The following PDE4B variants were observed in gnomAD, a reference collection of about 807,000 sequenced individuals.
PDE4B encodes phosphodiesterase 4B.
Under a neutral mutation model 82.2 loss-of-function variants are expected in PDE4B, and 20 were observed. The ratio of observed to expected loss-of-function variants is 0.24; its 90% CI spans 0.17 to 0.35. The LOEUF is 0.35. Among genes scored for constraint, PDE4B ranks in the 10% least tolerant of loss-of-function variants. PDE4B has a pLI of 1.00. For missense variants in PDE4B, 655 were observed against 907.2 expected, an observed-to-expected ratio of 0.72 and a Z score of 3.57; for synonymous variants, 320 against 318.9, an observed-to-expected ratio of 1.00 and a Z score of -0.04.
At chr1:66,177,058 A>G (rs1646944233) in intron 3 of PDE4B, among the ~76,000 whole-genome samples, 1 of 152,230 alleles carries the variant, frequency 6.6e-6, no homozygotes, top group Non-Finnish European at 1.5e-5. Flanking sequence ...GGTCCCGAGG[A>G]GAGCTAGCAC....
intron 3 of PDE4B, among the ~76,000 whole-genome samples, chr1:66,026,471 T>C (rs1653439201): frequency 6.6e-6 from 1 of 152,236 alleles, no homozygotes; most frequent in African/African-American, 2.4e-5. Flanking sequence ...TTTGGGTATA[T>C]GTCCCTGTTC....
At position 66,127,287 on chromosome 1, in the gene PDE4B, ACT is replaced by A. The variant is rs143948885; in HGVS notation, c.282-120168_282-120167del. On this transcript the variant is annotated intron_variant, in intron 3 of 16. Coordinates refer to ENST00000341517, the MANE Select transcript of PDE4B (RefSeq NM_002600.4). ...GCTGAAGGATGAATGGTACACAGCA[ACT>A]CTCTACTCTTTCTGTAGCTTTTTTG... Among the ~76,000 whole-genome samples the A allele has an allele frequency of 7.2e-3, 1,089 of 152,134 alleles. 12 individuals carry two copies. The highest frequency in any genetic ancestry group is 0.024 in the African/African-American group (1,005 of 41,512).
rs565206258 is a variant in PDE4B at position 66,273,035 on chromosome 1, C to T, written c.634+6948C>T. On this transcript the variant is annotated intron_variant, in intron 7 of 16. Transcript: ENST00000341517. Reference sequence around the variant, plus strand: ...TCAATCTCTTGACCTTGTGATCCGCCCACCTCAGCCTCCCAAAGTAGAACT... The same window carrying T: ...TCAATCTCTTGACCTTGTGATCCGCTCACCTCAGCCTCCCAAAGTAGAACT... Among the ~76,000 whole-genome samples the T allele has an allele frequency of 3.9e-5, 6 of 152,096 alleles. No homozygotes were observed. The South Asian group carries it at 8.3e-4, about 21-fold the overall frequency.
At chr1:65,892,397 G>C (rs1362234495) in intron 1 of PDE4B, among the ~76,000 whole-genome samples, 2 of 152,018 alleles carry the variant, frequency 1.3e-5, no homozygotes, top group African/African-American at 4.8e-5. Context: ...TGTTTAAATA[G>C]ATCAGGATCT....
intron 3 of PDE4B, among the ~76,000 whole-genome samples, chr1:65,954,487 G>T (rs1016087711): frequency 2.0e-5 from 3 of 152,060 alleles, no homozygotes; most frequent in Non-Finnish European, 4.4e-5. Context: ...TAAGGGGATT[G>T]TCTATGATGC....
chr1:65,876,089 T>A (rs116559509), intron 1 of PDE4B, among the ~76,000 whole-genome samples: 2,276 of 152,280 alleles, frequency 0.015, 74 homozygotes, highest in African/African-American at 0.053. Context: ...GGCGGAAGTT[T>A]TTTTAGAATT....
intron 3 of PDE4B, among the ~76,000 whole-genome samples, chr1:66,012,048 A>G (rs953168230): frequency 6.6e-6 from 1 of 152,174 alleles, no homozygotes; most frequent in Non-Finnish European, 1.5e-5. Flanking sequence ...AATGAAAAAT[A>G]TCAAGAATTA....
chr1:66,207,922 C>A (rs963106434), intron 3 of PDE4B, among the ~76,000 whole-genome samples: 4 of 152,174 alleles, frequency 2.6e-5, no homozygotes, highest in African/African-American at 9.7e-5. Flanking sequence ...TGTTTATCCT[C>A]CTTATATTTT....
chr1:66,170,565 A>T (rs1646818579), intron 3 of PDE4B, among the ~76,000 whole-genome samples: 1 of 152,212 alleles, frequency 6.6e-6, no homozygotes, highest in Non-Finnish European at 1.5e-5. Flanking sequence ...GAAATAGAAG[A>T]TAATGAGCAG....
chr1:65,936,266 T>TA (rs1270096441), intron 3 of PDE4B, among the ~76,000 whole-genome samples: 2 of 152,146 alleles, frequency 1.3e-5, no homozygotes, highest in Non-Finnish European at 2.9e-5. Flanking sequence ...GAGGCTGTCT[T>TA]ACAGTTAACT....
At chr1:66,048,109 AG>A (rs1654813365) in intron 3 of PDE4B, among the ~76,000 whole-genome samples, 1 of 151,910 alleles carries the variant, frequency 6.6e-6, no homozygotes, top group South Asian at 2.1e-4. Context: ...TCACTTAAGC[AG>A]AAAGCTCACG....
intron 3 of PDE4B, among the ~76,000 whole-genome samples, chr1:66,186,884 A>C (rs1160236569): frequency 6.6e-6 from 1 of 152,112 alleles, no homozygotes; most frequent in South Asian, 2.1e-4. Context: ...AATAGGAGTG[A>C]TGAGAGAGGG....
At chr1:66,224,944 C>A (rs542684728) in intron 3 of PDE4B, among the ~76,000 whole-genome samples, 4 of 152,288 alleles carry the variant, frequency 2.6e-5, no homozygotes, top group African/African-American at 7.2e-5. Flanking sequence ...TAGAAGAAAT[C>A]ACAAGAGAGC....
At chr1:66,176,233 G>A (rs1646929075) in intron 3 of PDE4B, among the ~76,000 whole-genome samples, 2 of 152,206 alleles carry the variant, frequency 1.3e-5, no homozygotes, top group South Asian at 4.1e-4. Flanking sequence ...GTTGGAGGTC[G>A]ACTGGCAAGA....
At chr1:66,300,271 C>A (rs746157555) in intron 7 of PDE4B, among the ~76,000 whole-genome samples, 3 of 152,106 alleles carry the variant, frequency 2.0e-5, no homozygotes, top group Admixed American at 6.6e-5. Flanking sequence ...TGAATATTAG[C>A]GATTTAATTC....
intron 3 of PDE4B, among the ~76,000 whole-genome samples, chr1:66,163,006 A>T (rs1646648420): frequency 6.6e-6 from 1 of 152,216 alleles, no homozygotes; most frequent in Non-Finnish European, 1.5e-5. Context: ...TCAGTTTTCC[A>T]ATATCCTAAA....
chr1:66,028,491 G>A (rs1653578380), intron 3 of PDE4B, among the ~76,000 whole-genome samples: 1 of 152,176 alleles, frequency 6.6e-6, no homozygotes, highest in Non-Finnish European at 1.5e-5. Context: ...TAGACTCCTT[G>A]CTACTTATGC....
chr1:66,213,403 G>A (rs1040292734), intron 3 of PDE4B, among the ~76,000 whole-genome samples: 1 of 152,064 alleles, frequency 6.6e-6, no homozygotes, highest in Non-Finnish European at 1.5e-5. Context: ...TTGGTGCCCA[G>A]ACCTGATATC....
At chr1:66,092,036 G>A (rs1017285979) in intron 3 of PDE4B, among the ~76,000 whole-genome samples, 1 of 151,946 alleles carries the variant, frequency 6.6e-6, no homozygotes, top group African/African-American at 2.4e-5. Context: ...TATCATACAA[G>A]GCGGCTTGTG....
Sources: gnomAD v4.1 joint callset for allele counts (sites outside exome capture counted in the v4.1 genomes callset) on GRCh38, gnomAD v4.1.1 for gene constraint, MANE v1.5 for transcripts, NCBI Gene and HGNC (gene_info 2026-07-23, HGNC 2026-07-21) for gene names.